TMEM178B: variants seen among roughly 807,000 people sequenced by gnomAD.
TMEM178B encodes the protein transmembrane protein 178B.
TMEM178B carries 5 observed loss-of-function variants against 31.0 expected under a neutral mutation model. That is an observed-to-expected ratio of 0.16 (90% confidence interval 0.08 to 0.34). TMEM178B has a LOEUF of 0.34. TMEM178B is among the 10% of genes least tolerant of loss of function. The probability of loss-of-function intolerance (pLI) is 1.00; values close to 1 mark genes in which losing one functional copy is unlikely to be tolerated. For synonymous variants in TMEM178B, 164 were observed against 164.0 expected, an observed-to-expected ratio of 1.00 and a Z score of 0.00; for missense variants, 275 against 400.3, an observed-to-expected ratio of 0.69 and a Z score of 2.67.
intron 1 of TMEM178B, among the ~76,000 whole-genome samples, chr7:141,185,788 A>C (rs1410993181): frequency 2.0e-5 from 3 of 152,042 alleles, no homozygotes; most frequent in Non-Finnish European, 4.4e-5. Context: ...ACCAGGGACC[A>C]TGCCCTCCTC....
At chr7:141,091,138 C>T (rs1365809253) in intron 1 of TMEM178B, among the ~76,000 whole-genome samples, 1 of 152,166 alleles carries the variant, frequency 6.6e-6, no homozygotes. Flanking sequence ...CTAGGTTAAG[C>T]TGGAAAATGA....
chr7:141,308,361 C>G (rs530005485), intron 2 of TMEM178B, among the ~76,000 whole-genome samples: 1 of 152,142 alleles, frequency 6.6e-6, no homozygotes, highest in Non-Finnish European at 1.5e-5. Context: ...ACATTTTTCA[C>G]CTGTAGTTTC....
intron 2 of TMEM178B, among the ~76,000 whole-genome samples, chr7:141,374,890 C>T (rs1800185250): frequency 6.6e-6 from 1 of 152,234 alleles, no homozygotes; most frequent in South Asian, 2.1e-4. Context: ...AGTATACCAA[C>T]TGCATTTACA....
At chr7:141,296,327 C>T (rs1276227864) in intron 2 of TMEM178B, among the ~76,000 whole-genome samples, 3 of 152,178 alleles carry the variant, frequency 2.0e-5, no homozygotes, top group African/African-American at 7.2e-5. Flanking sequence ...CTCAGCCTCC[C>T]AAAGTGCTGG....
At chr7:141,307,926 GA>G in intron 2 of TMEM178B, among the ~76,000 whole-genome samples, 1 of 152,318 alleles carries the variant, frequency 6.6e-6, no homozygotes, top group South Asian at 2.1e-4. Flanking sequence ...GATGATTAGT[GA>G]TTGTTTTTGA....
At chr7:141,194,653 C>T (rs915810909) in intron 1 of TMEM178B, among the ~76,000 whole-genome samples, 1 of 152,170 alleles carries the variant, frequency 6.6e-6, no homozygotes, top group African/African-American at 2.4e-5. Flanking sequence ...GGTGGATCTA[C>T]TATTCTGGGT....
At chr7:141,150,683 C>A (rs1795958170) in intron 1 of TMEM178B, among the ~76,000 whole-genome samples, 1 of 152,240 alleles carries the variant, frequency 6.6e-6, no homozygotes, top group African/African-American at 2.4e-5. Flanking sequence ...GGGCTGAGGC[C>A]ATTTTGGGCC....
chr7:141,326,858 T>C (rs1029268460), intron 2 of TMEM178B, among the ~76,000 whole-genome samples: 3 of 152,208 alleles, frequency 2.0e-5, no homozygotes, highest in African/African-American at 7.2e-5. Flanking sequence ...ATATGTGTTG[T>C]CCGATATGGT....
chr7:141,174,642 A>G (rs901403051), intron 1 of TMEM178B, among the ~76,000 whole-genome samples: 2 of 152,094 alleles, frequency 1.3e-5, no homozygotes, highest in African/African-American at 2.4e-5. Context: ...TGACTTTTTA[A>G]TGATCACCAT....
the TMEM178B span, among the ~76,000 whole-genome samples, chr7:141,490,707 G>A: frequency 2.6e-5 from 4 of 152,264 alleles, no homozygotes; most frequent in Admixed American, 2.6e-4. Flanking sequence ...TTTCAAAGAA[G>A]CTTTCCCTTT....
intron 2 of TMEM178B, among the ~76,000 whole-genome samples, chr7:141,254,971 G>T (rs756986451): frequency 3.9e-5 from 6 of 152,108 alleles, no homozygotes; most frequent in Non-Finnish European, 7.4e-5. Context: ...TATCTCCCTT[G>T]AGTGTTTCGA....
chr7:141,151,863 G>A (rs920841762), intron 1 of TMEM178B, among the ~76,000 whole-genome samples: 28 of 152,158 alleles, frequency 1.8e-4, no homozygotes, highest in Non-Finnish European at 3.4e-4. Context: ...TCACCTCTCA[G>A]GTCCCTTCTG....
intron 2 of TMEM178B, among the ~76,000 whole-genome samples, chr7:141,280,272 A>G (rs962809363): frequency 3.9e-5 from 6 of 152,140 alleles, no homozygotes; most frequent in Admixed American, 1.3e-4. Flanking sequence ...GGTCAGAAGC[A>G]GGCCTGTGTC....
intron 2 of TMEM178B, among the ~76,000 whole-genome samples, chr7:141,409,997 C>G (rs2077023): frequency 6.6e-6 from 1 of 152,156 alleles, no homozygotes; most frequent in Non-Finnish European, 1.5e-5. Flanking sequence ...CTTTGCTTAG[C>G]CCTGGGCTCA....
chr7:141,109,392 G>T (rs550250782), intron 1 of TMEM178B, among the ~76,000 whole-genome samples: 3 of 152,276 alleles, frequency 2.0e-5, no homozygotes, highest in East Asian at 3.9e-4. Flanking sequence ...AACTCAGGGG[G>T]TGGTGGACAG....
At chr7:141,459,075 G>C (rs1586974703) in intron 3 of TMEM178B, among the ~76,000 whole-genome samples, 1 of 152,186 alleles carries the variant, frequency 6.6e-6, no homozygotes, top group African/African-American at 2.4e-5. Context: ...TATTGCCCAG[G>C]CTCGTGTGCA....
At chr7:141,298,217 T>C (rs1165863515) in intron 2 of TMEM178B, among the ~76,000 whole-genome samples, 2 of 152,246 alleles carry the variant, frequency 1.3e-5, no homozygotes, top group Non-Finnish European at 2.9e-5. Flanking sequence ...TGATTTTTTC[T>C]TGTAAATTTG....
At chr7:141,442,899 T>A (rs1801687378) in intron 3 of TMEM178B, among the ~76,000 whole-genome samples, 1 of 152,248 alleles carries the variant, frequency 6.6e-6, no homozygotes, top group Non-Finnish European at 1.5e-5. Flanking sequence ...ACAGCTTAAC[T>A]GGATTTTCTG....
intron 1 of TMEM178B, among the ~76,000 whole-genome samples, chr7:141,135,715 A>G (rs1450738588): frequency 6.6e-6 from 1 of 152,132 alleles, no homozygotes; most frequent in East Asian, 1.9e-4. Context: ...ACCCAAACCT[A>G]TGGGTTACAG....
Sources: gnomAD v4.1 joint callset for allele counts (sites outside exome capture counted in the v4.1 genomes callset) on GRCh38, gnomAD v4.1.1 for gene constraint, MANE v1.5 for transcripts, NCBI Gene and HGNC (gene_info 2026-07-23, HGNC 2026-07-21) for gene names.